Variants in CLSTN2 observed in about 807,000 individuals in gnomAD.
CLSTN2 encodes calsyntenin-2.
CLSTN2 carries 48 observed loss-of-function variants against 101.2 expected under a neutral mutation model. The observed-to-expected ratio is 0.47, with a 90% CI of 0.38 to 0.60. The LOEUF is 0.60. Among genes scored for constraint, CLSTN2 ranks in the 20% least tolerant of loss-of-function variants. CLSTN2 has a pLI of 0.00. For synonymous variants in CLSTN2, 481 were observed against 463.6 expected, an observed-to-expected ratio of 1.04 and a Z score of -0.48; for missense variants, 1,160 against 1,238.2, an observed-to-expected ratio of 0.94 and a Z score of 0.95.
At chr3:140,100,337 C>T (rs569679855) in intron 1 of CLSTN2, among the ~76,000 whole-genome samples, 7 of 152,224 alleles carry the variant, frequency 4.6e-5, no homozygotes, top group Middle Eastern at 3.4e-3. Context: ...GAGTTTGCTC[C>T]GATCCCAATC....
chr3:140,175,691 G>C (rs2010311844), intron 1 of CLSTN2, among the ~76,000 whole-genome samples: 1 of 152,188 alleles, frequency 6.6e-6, no homozygotes, highest in South Asian at 2.1e-4. Flanking sequence ...AGAATCCGTG[G>C]TCTTAGAGGC....
At chr3:140,375,295 A>T (rs903985757) in intron 2 of CLSTN2, among the ~76,000 whole-genome samples, 1 of 152,160 alleles carries the variant, frequency 6.6e-6, no homozygotes, top group Non-Finnish European at 1.5e-5. Context: ...GGGAAAGGAT[A>T]AATGTCGTGC....
At chr3:140,070,165 A>C (rs2008367124) in intron 1 of CLSTN2, among the ~76,000 whole-genome samples, 1 of 152,260 alleles carries the variant, frequency 6.6e-6, no homozygotes, top group Non-Finnish European at 1.5e-5. Flanking sequence ...GATTCCATTT[A>C]GATAACAGCA....
intron 8 of CLSTN2, among the ~76,000 whole-genome samples, chr3:140,469,145 A>T (rs903481138): frequency 2.6e-4 from 40 of 152,204 alleles, no homozygotes; most frequent in African/African-American, 9.4e-4. Context: ...GACCTCATTT[A>T]ACCTTAATTA....
At chr3:140,534,399 G>A (rs1935319693) in intron 9 of CLSTN2, among the ~76,000 whole-genome samples, 1 of 152,204 alleles carries the variant, frequency 6.6e-6, no homozygotes, top group Non-Finnish European at 1.5e-5. Context: ...CTGCTGCTGA[G>A]TTACATGCCT....
chr3:140,212,898 G>A (rs148684340), intron 2 of CLSTN2, among the ~76,000 whole-genome samples: 1 of 152,154 alleles, frequency 6.6e-6, no homozygotes, highest in African/African-American at 2.4e-5. Flanking sequence ...ATTCCCTGTT[G>A]TGATTGCTGG....
intron 1 of CLSTN2, among the ~76,000 whole-genome samples, chr3:139,938,646 G>A (rs968989122): frequency 6.6e-6 from 1 of 152,178 alleles, no homozygotes; most frequent in Admixed American, 6.5e-5. Context: ...AGAGTTTCTG[G>A]AGGCAGAGAA....
At chr3:139,977,875 T>C (rs1161422394) in intron 1 of CLSTN2, among the ~76,000 whole-genome samples, 2 of 152,172 alleles carry the variant, frequency 1.3e-5, no homozygotes, top group East Asian at 1.9e-4. Context: ...GCTTTGGAAT[T>C]GAGATTATTT....
chr3:139,989,271 A>G (rs1936079160), intron 1 of CLSTN2, among the ~76,000 whole-genome samples: 1 of 152,082 alleles, frequency 6.6e-6, no homozygotes, highest in Admixed American at 6.5e-5. Flanking sequence ...ACCCCACCTT[A>G]TTACTGCAGG....
At chr3:140,521,973 G>C (rs769816409) in intron 8 of CLSTN2, among the ~76,000 whole-genome samples, 2 of 152,192 alleles carry the variant, frequency 1.3e-5, no homozygotes, top group African/African-American at 2.4e-5. Context: ...GCAAAACTGG[G>C]TCTCTGTGTT....
intron 2 of CLSTN2, among the ~76,000 whole-genome samples, chr3:140,211,061 G>C (rs1277888513): frequency 2.0e-5 from 3 of 152,024 alleles, no homozygotes; most frequent in Admixed American, 6.6e-5. Flanking sequence ...GTGGGAGAAG[G>C]TGTCTCATCC....
At chr3:140,429,444 G>A (rs1479057174) in intron 5 of CLSTN2, among the ~76,000 whole-genome samples, 1 of 152,150 alleles carries the variant, frequency 6.6e-6, no homozygotes, top group Non-Finnish European at 1.5e-5. Flanking sequence ...GCACAGAGAG[G>A]AGGGGGTATT....
At chr3:140,339,122 G>T (rs999645394) in intron 2 of CLSTN2, among the ~76,000 whole-genome samples, 2 of 152,200 alleles carry the variant, frequency 1.3e-5, no homozygotes, top group African/African-American at 4.8e-5. Context: ...TGGGCTCAAG[G>T]TGGACAGTCC....
At chr3:140,292,246 G>A (rs1347179575) in intron 2 of CLSTN2, among the ~76,000 whole-genome samples, 2 of 152,136 alleles carry the variant, frequency 1.3e-5, no homozygotes, top group Non-Finnish European at 2.9e-5. Context: ...TGCATGTGCT[G>A]CTCCTCCTCC....
rs546023055 is a variant in CLSTN2, at chr3:140,524,545, A to G, written c.1345-7779A>G. On this transcript the variant is annotated intron_variant, in intron 8 of 16. Transcript: ENST00000458420. ...GTTAGTCAGATCATTGAGGCAGAAA[A>G]CAAACAATAAAATTCTGGCATTAAA... Among the ~76,000 whole-genome samples the G allele has an allele frequency of 7.1e-4, 108 of 152,320 alleles. 2 individuals carry two copies. Among genetic ancestry groups the G allele is most frequent in the Non-Finnish European group, 9.6e-4 (65 of 68,034 alleles).
intron 1 of CLSTN2, among the ~76,000 whole-genome samples, chr3:140,114,181 C>G (rs1304472266): frequency 2.6e-5 from 4 of 152,204 alleles, no homozygotes; most frequent in South Asian, 4.1e-4. Flanking sequence ...GAGTTCCCAT[C>G]TCCAGGGCTA....
intron 8 of CLSTN2, among the ~76,000 whole-genome samples, chr3:140,481,629 T>A (rs1934119535): frequency 6.6e-6 from 1 of 152,144 alleles, no homozygotes; most frequent in South Asian, 2.1e-4. Context: ...TTCTTTGAGC[T>A]GTGGTTTGTA....
At chr3:140,211,939 A>G (rs774400948) in intron 2 of CLSTN2, among the ~76,000 whole-genome samples, 7 of 152,314 alleles carry the variant, frequency 4.6e-5, no homozygotes, top group Middle Eastern at 3.4e-3. Context: ...TTAATCTTCA[A>G]TTCTCAGCAT....
At chr3:140,458,235 A>G (rs1933454001) in intron 6 of CLSTN2, among the ~76,000 whole-genome samples, 2 of 151,102 alleles carry the variant, frequency 1.3e-5, no homozygotes, top group South Asian at 4.2e-4. Flanking sequence ...GCTCTGATAT[A>G]CAAAAGTCAA....
Sources: gnomAD v4.1 joint callset for allele counts (sites outside exome capture counted in the v4.1 genomes callset) on GRCh38, gnomAD v4.1.1 for gene constraint, MANE v1.5 for transcripts, NCBI Gene and HGNC (gene_info 2026-07-23, HGNC 2026-07-21) for gene names.